ERBB4: variants seen among roughly 807,000 people sequenced by gnomAD.
The protein encoded by ERBB4 is receptor tyrosine-protein kinase erbB-4.
Under a neutral mutation model 158.0 loss-of-function variants are expected in ERBB4, and 42 were observed. The observed-to-expected ratio is 0.27, with a 90% CI of 0.21 to 0.34. The LOEUF (loss-of-function observed/expected upper bound fraction) is 0.34. Among genes scored for constraint, ERBB4 ranks in the 10% least tolerant of loss-of-function variants. The pLI, the probability that ERBB4 is intolerant of heterozygous loss-of-function variation, is 1.00. For synonymous variants in ERBB4, 583 were observed against 558.7 expected (o/e 1.04, Z -0.61); for missense variants, 1,333 against 1,624.1 (o/e 0.82, Z 3.08).
chr2:211,842,038 T>G (rs1008740651), intron 3 of ERBB4, among the ~76,000 whole-genome samples: 2 of 152,072 alleles, frequency 1.3e-5, no homozygotes, highest in Non-Finnish European at 2.9e-5. Context: ...CTGTCCCAAA[T>G]TTCTAAACAT....
chr2:212,490,550 T>C (rs1411073040), intron 1 of ERBB4, among the ~76,000 whole-genome samples: 1 of 151,854 alleles, frequency 6.6e-6, no homozygotes, highest in Non-Finnish European at 1.5e-5. Flanking sequence ...TAATGACAGT[T>C]TGAGAAAGTG....
intron 2 of ERBB4, among the ~76,000 whole-genome samples, chr2:212,101,144 A>G (rs61276593): frequency 0.16 from 23,657 of 151,836 alleles, 3,544 homozygotes; most frequent in African/African-American, 0.4. Flanking sequence ...GTTTTAAGTT[A>G]TGATCTTGCA....
chr2:211,414,438 G>A (rs983774723), intron 25 of ERBB4, among the ~76,000 whole-genome samples: 1 of 149,846 alleles, frequency 6.7e-6, no homozygotes, highest in African/African-American at 2.5e-5. Context: ...AGAGGTTGCG[G>A]TAAGCTGAGA....
chr2:211,766,840 A>G (rs2075560804), intron 4 of ERBB4, among the ~76,000 whole-genome samples: 1 of 152,148 alleles, frequency 6.6e-6, no homozygotes, highest in African/African-American at 2.4e-5. Flanking sequence ...CCATTTCTGC[A>G]TTGTGGAGGA....
intron 1 of ERBB4, among the ~76,000 whole-genome samples, chr2:212,435,618 T>C (rs2092120413): frequency 6.6e-6 from 1 of 151,890 alleles, no homozygotes; most frequent in African/African-American, 2.4e-5. Context: ...ATAAAAACAT[T>C]AATAAAGCCA....
intron 20 of ERBB4, among the ~76,000 whole-genome samples, chr2:211,452,971 T>C (rs1018892577): frequency 1.3e-5 from 2 of 152,224 alleles, no homozygotes; most frequent in East Asian, 1.9e-4. Context: ...AAAGAAGCCA[T>C]TGAAAACTGA....
chr2:211,435,325 C>T (rs2063826029), intron 20 of ERBB4, among the ~76,000 whole-genome samples: 1 of 152,162 alleles, frequency 6.6e-6, no homozygotes, highest in South Asian at 2.1e-4. Flanking sequence ...TTGACATTGA[C>T]CCAGTACTTA....
chr2:212,152,055 T>G (rs1437554166), intron 1 of ERBB4, among the ~76,000 whole-genome samples: 1 of 152,168 alleles, frequency 6.6e-6, no homozygotes, highest in Non-Finnish European at 1.5e-5. Flanking sequence ...TAAGTTTTAC[T>G]TCATCACATT....
rs544644656 is a variant in ERBB4, at chr2:211,513,317, G to A, written c.2487+48586C>T. On this transcript the variant is annotated intron_variant, in intron 20 of 27. Coordinates refer to ENST00000342788, the MANE Select transcript of ERBB4 (RefSeq NM_005235.3). ...AGTGAGCCGAGATTGCGCCACTGCA[G>A]TCCGCAGTCCGGCCTGGGCGACAGA... Among the ~76,000 whole-genome samples, 7 of 134,216 alleles carry A rather than the reference G, an allele frequency of 5.2e-5. No individual in the cohort carries two copies. In the East Asian group the frequency reaches 1.7e-3, roughly 32 times the overall value. The allele number at this position is 134,216 out of a possible 152,430, so 88.1% of individuals were successfully genotyped here.
At chr2:211,507,920 T>C (rs986469555) in intron 20 of ERBB4, among the ~76,000 whole-genome samples, 1 of 152,164 alleles carries the variant, frequency 6.6e-6, no homozygotes, top group African/African-American at 2.4e-5. Flanking sequence ...CTGGGAAAAC[T>C]GGCTAGCCAT....
At chr2:211,919,903 G>T (rs909001982) in intron 3 of ERBB4, among the ~76,000 whole-genome samples, 1 of 151,878 alleles carries the variant, frequency 6.6e-6, no homozygotes, top group African/African-American at 2.4e-5. Context: ...TAACTGTTCT[G>T]CAAAATCTTC....
chr2:211,917,492 T>C (rs1181941700), intron 3 of ERBB4, among the ~76,000 whole-genome samples: 1 of 152,126 alleles, frequency 6.6e-6, no homozygotes, highest in Non-Finnish European at 1.5e-5. Context: ...AAACAAAATA[T>C]GGAGACATTA....
chr2:212,020,825 C>A (rs1205884834), intron 2 of ERBB4, among the ~76,000 whole-genome samples: 3 of 152,046 alleles, frequency 2.0e-5, no homozygotes, highest in African/African-American at 7.2e-5. Context: ...TTTCAAGTTT[C>A]CATTTTGGTG....
At chr2:212,127,908 T>C (rs569761556) in intron 1 of ERBB4, among the ~76,000 whole-genome samples, 1 of 152,308 alleles carries the variant, frequency 6.6e-6, no homozygotes, top group South Asian at 2.1e-4. Context: ...AGAATGAGCC[T>C]GCTGTCACCT....
chr2:211,617,817 T>C (rs2069448263), intron 19 of ERBB4, among the ~76,000 whole-genome samples: 1 of 152,118 alleles, frequency 6.6e-6, no homozygotes, highest in South Asian at 2.1e-4. Context: ...TATGCTTGCA[T>C]CATTTTTCAT....
intron 3 of ERBB4, among the ~76,000 whole-genome samples, chr2:211,830,473 A>T (rs1038751454): frequency 6.6e-6 from 1 of 152,280 alleles, no homozygotes; most frequent in Admixed American, 6.5e-5. Context: ...CTTTTGACTT[A>T]AAGATACATT....
intron 2 of ERBB4, among the ~76,000 whole-genome samples, chr2:212,050,274 T>C (rs1033164400): frequency 2.6e-5 from 4 of 152,208 alleles, no homozygotes; most frequent in African/African-American, 9.6e-5. Flanking sequence ...TTAGGGGATC[T>C]ATGGAGATTT....
intron 1 of ERBB4, among the ~76,000 whole-genome samples, chr2:212,530,823 G>A (rs893399893): frequency 2.0e-5 from 3 of 152,186 alleles, no homozygotes; most frequent in African/African-American, 7.2e-5. Flanking sequence ...TTTAGCAGGT[G>A]AAACCGATTG....
intron 19 of ERBB4, among the ~76,000 whole-genome samples, chr2:211,566,063 G>GCAC (rs1253990175): frequency 6.6e-6 from 1 of 152,186 alleles, no homozygotes; most frequent in Non-Finnish European, 1.5e-5. Context: ...AGTTCCGGGT[G>GCAC]CACTTTGAGG....
Sources: gnomAD v4.1 joint callset for allele counts (sites outside exome capture counted in the v4.1 genomes callset) on GRCh38, gnomAD v4.1.1 for gene constraint, MANE v1.5 for transcripts, NCBI Gene and HGNC (gene_info 2026-07-23, HGNC 2026-07-21) for gene names.